Variants in RBM27 observed in about 807,000 individuals in gnomAD.
The protein encoded by RBM27 is RNA-binding protein 27.
RBM27 carries 22 observed loss-of-function variants against 135.3 expected under a neutral mutation model. The ratio of observed to expected loss-of-function variants is 0.16; its 90% CI spans 0.12 to 0.23. The LOEUF (loss-of-function observed/expected upper bound fraction) is 0.23, where lower values mean the gene tolerates loss of function less well. Among genes scored for constraint, RBM27 ranks in the 10% least tolerant of loss-of-function variants. The probability of loss-of-function intolerance (pLI) is 1.00; values close to 1 mark genes in which losing one functional copy is unlikely to be tolerated. For missense variants in RBM27, 1,009 were observed against 1,281.0 expected, an observed-to-expected ratio of 0.79 and a Z score of 3.24; for synonymous variants, 481 against 442.4, an observed-to-expected ratio of 1.09 and a Z score of -1.10.
chr5:146,221,964 CTT>C (rs1267280984), intron 2 of RBM27, among the ~76,000 whole-genome samples: 2 of 152,008 alleles, frequency 1.3e-5, no homozygotes, highest in Non-Finnish European at 2.9e-5. Flanking sequence ...TTCCCAAACT[CTT>C]TGGTTTCCCA....
intron 8 of RBM27, among the ~76,000 whole-genome samples, chr5:146,251,363 T>C (rs1581199699): frequency 6.6e-6 from 1 of 152,146 alleles, no homozygotes; most frequent in Non-Finnish European, 1.5e-5. Flanking sequence ...GATAGAAAAA[T>C]TCTGTGTAAT....
At chr5:146,227,632 T>G (rs1361548993) in intron 3 of RBM27, among the ~76,000 whole-genome samples, 2 of 152,140 alleles carry the variant, frequency 1.3e-5, no homozygotes, top group Non-Finnish European at 2.9e-5. Flanking sequence ...ATAAACTTGT[T>G]CAAAGACAAT....
chr5:146,224,335 T>C (rs189174696), intron 3 of RBM27, among the ~76,000 whole-genome samples: 3 of 152,302 alleles, frequency 2.0e-5, no homozygotes, highest in Non-Finnish European at 4.4e-5. Context: ...TTTTATTACA[T>C]TTATTCTGAA....
intron 8 of RBM27, among the ~76,000 whole-genome samples, chr5:146,250,300 G>A (rs1419007822): frequency 6.6e-6 from 1 of 151,942 alleles, no homozygotes; most frequent in Non-Finnish European, 1.5e-5. Flanking sequence ...AATTAGCCAG[G>A]CATGGTGGTG....
At chr5:146,260,009 A>G (rs1362454159) in intron 11 of RBM27, among the ~76,000 whole-genome samples, 1 of 135,096 alleles carries the variant, frequency 7.4e-6, no homozygotes, top group African/African-American at 2.7e-5. Flanking sequence ...AAAAAAAAAG[A>G]ATAATGTTGG....
intron 1 of RBM27, among the ~76,000 whole-genome samples, chr5:146,207,160 G>A (rs1250827642): frequency 1.3e-5 from 2 of 152,188 alleles, no homozygotes; most frequent in African/African-American, 4.8e-5. Flanking sequence ...GCTAGGCTTT[G>A]AGATAGTATA....
Position 146,251,880 on chromosome 5 carries a change from G to T in RBM27, c.1444+5G>T, listed in dbSNP as rs1162108892. 1 of 1,612,952 alleles carries T rather than the reference G, an allele frequency of 6.2e-7. No homozygotes were observed. Among genetic ancestry groups the T allele is most frequent in the Non-Finnish European group, 8.5e-7 (1 of 1,179,064 alleles). On this transcript the variant is annotated splice_donor_5th_base_variant and intron_variant, in intron 9 of 20. Coordinates refer to ENST00000265271, the MANE Select transcript of RBM27 (RefSeq NM_018989.2). ...GCCCTACCCCTCTGGTTCCAGGTAAGCTTTGCTACAGATGGCCATCCACCT... is the reference window on the plus strand; with the variant it reads ...GCCCTACCCCTCTGGTTCCAGGTAATCTTTGCTACAGATGGCCATCCACCT...
intron 12 of RBM27, chr5:146,261,246 G>A (rs6580412): frequency 0.011 from 5,985 of 549,132 alleles, 285 homozygotes; most frequent in African/African-American, 0.1. Context: ...TTCTCACATG[G>A]CAGACAGAGA....
At chr5:146,211,464 CTTTTTTTTTTTTTTTTTT>C (rs57117642) in intron 1 of RBM27, among the ~76,000 whole-genome samples, 49 of 49,932 alleles carry the variant, frequency 9.8e-4, no homozygotes, top group Non-Finnish European at 1.6e-3. Flanking sequence ...ATGGTCTTAT[CTTTTTTTTTTTTTTTTTT>C]TTTTTTTTTT....
At chr5:146,280,850 T>TTTTA (rs55751840) in intron 19 of RBM27, among the ~76,000 whole-genome samples, 31,253 of 151,200 alleles carry the variant, frequency 0.21, 4,088 homozygotes, top group Admixed American at 0.33. Context: ...AGTCTATTTG[T>TTTTA]TTTATTTATT....
chr5:146,257,178 G>A (rs1247402814), intron 10 of RBM27, among the ~76,000 whole-genome samples: 3 of 152,226 alleles, frequency 2.0e-5, no homozygotes, highest in East Asian at 1.9e-4. Context: ...GAAATCAAAT[G>A]TACCAACTCC....
rs146463591 is a variant in RBM27 at position 146,257,090 on chromosome 5, C to T, written c.1595-1359C>T. ...TTATTCACTAATGTATACCCAAGGTCTGCTATAGTTGCTGAGCTGTAAAAT... is the reference window on the plus strand; with the variant it reads ...TTATTCACTAATGTATACCCAAGGTTTGCTATAGTTGCTGAGCTGTAAAAT... On this transcript the variant is annotated intron_variant, in intron 10 of 20. Coordinates refer to ENST00000265271, the MANE Select transcript of RBM27 (RefSeq NM_018989.2). Among the ~76,000 whole-genome samples, 1,403 of 152,290 alleles carry T rather than the reference C, an allele frequency of 9.2e-3. 21 individuals carry two copies. Among genetic ancestry groups the T allele is most frequent in the African/African-American group, 0.032 (1,343 of 41,564 alleles).
chr5:146,225,063 A>G (rs921132747), intron 3 of RBM27, among the ~76,000 whole-genome samples: 1 of 152,266 alleles, frequency 6.6e-6, no homozygotes, highest in Middle Eastern at 3.4e-3. Context: ...ACTTTAATGT[A>G]TTATCTGTGT....
chr5:146,271,128 C>T (rs1221736871), intron 18 of RBM27, 70 bp downstream of exon 18: 22 of 1,119,240 alleles, frequency 2.0e-5, no homozygotes, highest in East Asian at 5.2e-5. Context: ...TGACCGGGCG[C>T]GGTGGCTCAC....
rs184040246 is a variant in RBM27 at position 146,213,225 on chromosome 5, C to T, written c.60-5760C>T. On this transcript the variant is annotated intron_variant, in intron 1 of 20. Transcript: ENST00000265271. ...TCAAGCAATTCTCCTGCCTCAGCCT[C>T]CCGAGTAGCTGGGATAACAGGCATG... Among the ~76,000 whole-genome samples, 61 of 152,268 alleles carry T rather than the reference C, an allele frequency of 4.0e-4. 1 individual carries two copies. Among genetic ancestry groups the T allele is most frequent in the Middle Eastern group, 6.8e-3 (2 of 294 alleles).
intron 18 of RBM27, 109 bp from the exon 19 acceptor site, chr5:146,271,374 T>C: frequency 9.6e-7 from 1 of 1,044,928 alleles, no homozygotes; most frequent in African/African-American, 1.6e-5. Flanking sequence ...CACTCGAGCC[T>C]AGGCAACGAG....
chr5:146,285,254 G>A (rs898129658), intron 20 of RBM27, among the ~76,000 whole-genome samples: 5 of 152,024 alleles, frequency 3.3e-5, no homozygotes, highest in Admixed American at 1.3e-4. Flanking sequence ...TACTCCTGTT[G>A]TTTATCATTA....
intron 1 of RBM27, among the ~76,000 whole-genome samples, chr5:146,205,768 C>T (rs1484027490): frequency 1.3e-5 from 2 of 152,132 alleles, no homozygotes; most frequent in African/African-American, 4.8e-5. Context: ...CGCCTGTAAT[C>T]CCGACACTTT....
chr5:146,285,561 G>A (rs2126928618), intron 20 of RBM27, among the ~76,000 whole-genome samples: 2 of 151,884 alleles, frequency 1.3e-5, no homozygotes. Context: ...ACAAACAATT[G>A]GATGGATATA....
Sources: allele counts gnomAD v4.1 joint callset (sites outside exome capture counted in the v4.1 genomes callset), GRCh38; gene constraint gnomAD v4.1.1; transcripts MANE v1.5; gene names NCBI Gene and HGNC (gene_info 2026-07-23, HGNC 2026-07-21).